TSHR: variants seen among roughly 807,000 people sequenced by gnomAD.
TSHR encodes thyrotropin receptor.
TSHR carries 51 observed loss-of-function variants against 64.1 expected under a neutral mutation model. The observed-to-expected ratio is 0.80, with a 90% CI of 0.64 to 1.01. The LOEUF (loss-of-function observed/expected upper bound fraction) is 1.01, where lower values mean the gene tolerates loss of function less well. Among genes scored for constraint, TSHR ranks in the 50% least tolerant of loss-of-function variants. The probability of loss-of-function intolerance (pLI) is 0.00; values close to 1 mark genes in which losing one functional copy is unlikely to be tolerated. For missense variants in TSHR, 877 were observed against 942.8 expected (o/e 0.93, Z 0.91); for synonymous variants, 361 against 361.9 (o/e 1.00, Z 0.03).
intron 1 of TSHR, chr14:80,991,494 T>C (rs1435623118): frequency 2.5e-6 from 1 of 397,550 alleles, no homozygotes; most frequent in Non-Finnish European, 4.4e-6. Flanking sequence ...AGAATTTTGC[T>C]TCATTTTATT....
chr14:81,124,836 C>T (rs1032926676), intron 8 of TSHR, among the ~76,000 whole-genome samples: 1 of 152,020 alleles, frequency 6.6e-6, no homozygotes, highest in African/African-American at 2.4e-5. Flanking sequence ...TTCTTTTACC[C>T]AGTTTCTGTT....
At chr14:81,109,077 T>C in intron 8 of TSHR, 1 of 913,262 alleles carries the variant, frequency 1.1e-6, no homozygotes, top group South Asian at 2.3e-5. Context: ...TGCCTCAGTT[T>C]AGAATCTCAT....
chr14:80,997,502 GTTGCCACATCACACTGCT>G (rs1566754984), intron 1 of TSHR, among the ~76,000 whole-genome samples: 1 of 152,118 alleles, frequency 6.6e-6, no homozygotes, highest in Non-Finnish European at 1.5e-5. Flanking sequence ...TATTCCTGTA[GTTGCCACATCACACTGCT>G]TTGCCACATA....
At chr14:81,063,692 G>A (rs183958511) in intron 2 of TSHR, among the ~76,000 whole-genome samples, 55 of 152,220 alleles carry the variant, frequency 3.6e-4, no homozygotes, top group Admixed American at 2.3e-3. Flanking sequence ...CTGGCACTTT[G>A]CTAGGTGTTC....
intron 1 of TSHR, among the ~76,000 whole-genome samples, chr14:80,967,250 GCCACAC>G (rs1887366820): frequency 6.7e-6 from 1 of 148,712 alleles, no homozygotes; most frequent in Non-Finnish European, 1.5e-5. Flanking sequence ...AGGATTTTGA[GCCACAC>G]ACACACACAA....
intron 8 of TSHR, among the ~76,000 whole-genome samples, chr14:81,110,056 G>A (rs1890158450): frequency 6.6e-6 from 1 of 152,078 alleles, no homozygotes; most frequent in Admixed American, 6.5e-5. Context: ...TTTAGAAACA[G>A]GTATTTGGAA....
At chr14:81,069,636 C>T (rs557810019) in intron 3 of TSHR, among the ~76,000 whole-genome samples, 19 of 152,194 alleles carry the variant, frequency 1.2e-4, no homozygotes, top group African/African-American at 4.1e-4. Flanking sequence ...CTCTGAGTTC[C>T]GGGCTTGCTA....
intron 3 of TSHR, among the ~76,000 whole-genome samples, chr14:81,084,576 C>G (rs1204251610): frequency 1.3e-5 from 2 of 152,164 alleles, no homozygotes; most frequent in Non-Finnish European, 2.9e-5. Flanking sequence ...TGGGAGAGTA[C>G]TGGATGGATG....
chr14:81,049,774 T>G (rs1207917575), intron 1 of TSHR: 1 of 152,196 alleles, frequency 6.6e-6, no homozygotes, highest in Non-Finnish European at 1.5e-5. Flanking sequence ...ATTCTTGGTA[T>G]AGTGAGTTCT....
At chr14:80,983,329 AC>A in intron 1 of TSHR, 1 of 1,100,296 alleles carries the variant, frequency 9.1e-7, no homozygotes, top group Non-Finnish European at 1.3e-6. Flanking sequence ...GTTGCCGGTG[AC>A]TTTTCAGAGC....
intron 8 of TSHR, among the ~76,000 whole-genome samples, chr14:81,109,175 CGAGGCGGGCA>C (rs370251747): frequency 1.3e-4 from 20 of 152,214 alleles, no homozygotes; most frequent in African/African-American, 4.8e-4. Flanking sequence ...TTTGGGAGGC[CGAGGCGGGCA>C]GATCACGAGG....
chr14:81,061,903 T>C (rs1886272324), intron 1 of TSHR, among the ~76,000 whole-genome samples: 1 of 152,186 alleles, frequency 6.6e-6, no homozygotes, highest in African/African-American at 2.4e-5. Context: ...AGTTTACTGC[T>C]AATTCATAGA....
chr14:81,022,837 A>AT (rs1400570765), intron 1 of TSHR, among the ~76,000 whole-genome samples: 1 of 152,138 alleles, frequency 6.6e-6, no homozygotes, highest in African/African-American at 2.4e-5. Context: ...ACAAAAAAAA[A>AT]GATGTGGGGC....
chr14:81,096,801 A>G, intron 7 of TSHR, 94 bp downstream of exon 7: 1 of 1,365,826 alleles, frequency 7.3e-7, no homozygotes, highest in Non-Finnish European at 1.0e-6. Flanking sequence ...GTTCTACCAG[A>G]GCATCTTCCA....
chr14:81,143,866 A>G lies in TSHR; in HGVS notation c.1808A>G (p.Lys603Arg). 1 of 1,614,128 alleles carries G rather than the reference A, an allele frequency of 6.2e-7. No individual in the cohort carries two copies. The highest frequency in any genetic ancestry group is 8.5e-7 in the Non-Finnish European group (1 of 1,180,024). ...AFVIVCCCYV[K>R]IYITVRNPQY... ...GTCATCGTCTGCTGCTGTTATGTGA[A>G]GATCTACATCACAGTCCGAAATCCG... Residue 603 changes from lysine (K) to arginine (R), a missense_variant, in exon 10 of 10, where the codon AAG becomes AGG. Physicochemically the swap from Lys to Arg is conservative, Grantham distance 26. Transcript: ENST00000298171.
At chr14:81,067,551 A>G (rs185446797) in intron 2 of TSHR, among the ~76,000 whole-genome samples, 1 of 147,888 alleles carries the variant, frequency 6.8e-6, no homozygotes, top group Admixed American at 6.7e-5. Flanking sequence ...CCATATATAC[A>G]TATGTATGGC....
At chr14:81,047,684 G>T (rs942159883) in intron 1 of TSHR, among the ~76,000 whole-genome samples, 1 of 120,810 alleles carries the variant, frequency 8.3e-6, no homozygotes, top group African/African-American at 3.0e-5. Flanking sequence ...TTTTTTTTGA[G>T]ACAGTCTTGC....
chr14:80,979,659 GA>G (rs1888069997), intron 1 of TSHR, among the ~76,000 whole-genome samples: 1 of 152,052 alleles, frequency 6.6e-6, no homozygotes. Flanking sequence ...TTAAAAATAA[GA>G]GAAAACTAAA....
chr14:81,076,756 A>G (rs1336437571), intron 3 of TSHR, among the ~76,000 whole-genome samples: 1 of 152,152 alleles, frequency 6.6e-6, no homozygotes, highest in African/African-American at 2.4e-5. Context: ...CTCTTGTTTG[A>G]ACTATGATAA....
Sources: allele counts gnomAD v4.1 joint callset (sites outside exome capture counted in the v4.1 genomes callset), GRCh38; gene constraint gnomAD v4.1.1; transcripts MANE v1.5; gene names NCBI Gene and HGNC (gene_info 2026-07-23, HGNC 2026-07-21).